SLC8A1: variants seen among roughly 807,000 people sequenced by gnomAD.
SLC8A1 encodes the protein solute carrier family 8 member A1.
A neutral mutation model predicts 68.3 loss-of-function variants in SLC8A1; 18 were observed. That is an observed-to-expected ratio of 0.26 (90% CI 0.18 to 0.39). SLC8A1 has a LOEUF of 0.39. SLC8A1 is among the 10% of genes least tolerant of loss of function. The pLI, the probability that SLC8A1 is intolerant of heterozygous loss-of-function variation, is 1.00. For missense variants in SLC8A1, 985 were observed against 1,156.7 expected (o/e 0.85, Z 2.15); for synonymous variants, 475 against 415.5 (o/e 1.14, Z -1.74).
intron 2 of SLC8A1, among the ~76,000 whole-genome samples, chr2:40,410,777 G>A (rs1691872179): frequency 6.6e-6 from 1 of 151,928 alleles, no homozygotes; most frequent in Non-Finnish European, 1.5e-5. Flanking sequence ...TACATTGCAT[G>A]TCATTTTCTT....
At chr2:40,364,518 T>TA (rs397700924) in intron 2 of SLC8A1, among the ~76,000 whole-genome samples, 1 of 145,062 alleles carries the variant, frequency 6.9e-6, no homozygotes, top group Non-Finnish European at 1.5e-5. Flanking sequence ...CCTTTTTTTT[T>TA]GTTGTTGTTC....
chr2:40,318,389 C>T (rs146849260), intron 2 of SLC8A1, among the ~76,000 whole-genome samples: 2,348 of 152,066 alleles, frequency 0.015, 24 homozygotes, highest in Non-Finnish European at 0.022. Context: ...TTGACTCACA[C>T]TTACTATGTA....
intron 2 of SLC8A1, among the ~76,000 whole-genome samples, chr2:40,371,329 T>C (rs1677974667): frequency 1.3e-5 from 2 of 151,994 alleles, no homozygotes; most frequent in Non-Finnish European, 2.9e-5. Context: ...GCTTCAGAAA[T>C]AGGGTGGACT....
At chr2:40,344,534 C>A (rs572273126) in intron 2 of SLC8A1, among the ~76,000 whole-genome samples, 9 of 152,242 alleles carry the variant, frequency 5.9e-5, no homozygotes, top group African/African-American at 2.2e-4. Flanking sequence ...GTAAGACACC[C>A]AGACTCACTG....
chr2:40,226,092 C>T (rs2058940936), intron 2 of SLC8A1, among the ~76,000 whole-genome samples: 1 of 152,144 alleles, frequency 6.6e-6, no homozygotes, highest in Non-Finnish European at 1.5e-5. Context: ...TTTTACATTA[C>T]ATGAGATGAC....
rs75141969 is a variant in SLC8A1, at chr2:40,158,425, C to A, written c.2161+2340G>T. Among the ~76,000 whole-genome samples the A allele has an allele frequency of 3.3e-5, 5 of 152,104 alleles. No individual in the cohort carries two copies. In the East Asian group the frequency reaches 7.7e-4, roughly 23 times the overall value. On this transcript the variant is annotated intron_variant, in intron 6 of 7. Coordinates refer to ENST00000406785, the Ensembl canonical transcript of SLC8A1. Reference sequence around the variant, plus strand: ...TGTTTCTCAAAATTGTAAATAAGGTCGATTTACCCAGCAGCCTGCGAATTT... The same window carrying A: ...TGTTTCTCAAAATTGTAAATAAGGTAGATTTACCCAGCAGCCTGCGAATTT...
At chr2:40,235,665 T>G (rs1455538307) in intron 2 of SLC8A1, among the ~76,000 whole-genome samples, 1 of 151,968 alleles carries the variant, frequency 6.6e-6, no homozygotes, top group Non-Finnish European at 1.5e-5. Flanking sequence ...TTGCTCTTGC[T>G]TTTCTAGTTC....
At chr2:40,098,399 T>G (rs1446334195) in exon 8 of SLC8A1, 1 of 152,068 alleles carries the variant, frequency 6.6e-6, no homozygotes, top group Non-Finnish European at 1.5e-5. Flanking sequence ...CTGCACAACT[T>G]AAATATTCTT....
intron 2 of SLC8A1, among the ~76,000 whole-genome samples, chr2:40,200,397 T>A (rs1428508778): frequency 6.8e-6 from 1 of 146,934 alleles, no homozygotes; most frequent in East Asian, 2.0e-4. Flanking sequence ...TCCTCTCAGG[T>A]CATGGTGACC....
intron 2 of SLC8A1, among the ~76,000 whole-genome samples, chr2:40,215,387 C>A (rs552778523): frequency 6.6e-6 from 1 of 152,090 alleles, no homozygotes; most frequent in East Asian, 1.9e-4. Flanking sequence ...CCTGTAATCC[C>A]AGCACTTTGG....
At chr2:40,295,104 TA>T (rs1321936840) in intron 2 of SLC8A1, among the ~76,000 whole-genome samples, 8 of 150,586 alleles carry the variant, frequency 5.3e-5, no homozygotes, top group African/African-American at 1.0e-4. Flanking sequence ...AAACAATTAT[TA>T]TTTTTTTTTT....
intron 2 of SLC8A1, among the ~76,000 whole-genome samples, chr2:40,232,750 C>CT (rs1377851117): frequency 1.2e-5 from 1 of 84,224 alleles, no homozygotes; most frequent in Non-Finnish European, 2.8e-5. Flanking sequence ...TCCCTCCCCC[C>CT]CCGCCACCCC....
At chr2:40,405,634 T>TG (rs1690104817) in intron 2 of SLC8A1, among the ~76,000 whole-genome samples, 1 of 152,184 alleles carries the variant, frequency 6.6e-6, no homozygotes, top group Non-Finnish European at 1.5e-5. Flanking sequence ...TTGGTTTGTG[T>TG]GTGTTTCTTT....
intron 1 of SLC8A1, among the ~76,000 whole-genome samples, chr2:40,491,056 G>A (rs921258005): frequency 6.6e-6 from 1 of 151,996 alleles, no homozygotes; most frequent in Non-Finnish European, 1.5e-5. Context: ...CTATAAAAAG[G>A]CCAATATTTG....
At chr2:40,475,798 GA>G (rs1197852488) in intron 1 of SLC8A1, among the ~76,000 whole-genome samples, 1 of 151,438 alleles carries the variant, frequency 6.6e-6, no homozygotes, top group Non-Finnish European at 1.5e-5. Flanking sequence ...GACTGGCTAG[GA>G]AAAAAAATGA....
intron 4 of SLC8A1, 128 bp from the exon 7 acceptor site, chr2:40,170,477 T>G: frequency 2.6e-6 from 2 of 765,744 alleles, no homozygotes; most frequent in Non-Finnish European, 4.5e-6. Flanking sequence ...AGTTTGGGGA[T>G]TCAATGATCA....
In SLC8A1 at chr2:40,108,862, T is replaced by A. The variant is rs576111035; in HGVS notation, c.*6391A>T. 2.0e-5 allele frequency: 3 copies of A among 152,250 alleles called. No individual in the cohort carries two copies. In the East Asian group the frequency reaches 5.8e-4, roughly 29 times the overall value. The allele number at this position is 152,250 out of a possible 1,614,324, so 9.4% of individuals were successfully genotyped here. A position where few individuals can be genotyped will look rare whatever the true frequency, so the allele number is the denominator to read the frequency against. On this transcript the variant is annotated 3_prime_UTR_variant, in exon 8 of 8. Transcript: ENST00000406785. ...AGGGCCAAAAGTTCTCCTTAGATAA[T>A]TCATCTCTTGTTTTACTATGTGGCT...
intron 1 of SLC8A1, among the ~76,000 whole-genome samples, chr2:40,441,898 A>G (rs1280413194): frequency 1.3e-5 from 2 of 152,118 alleles, no homozygotes; most frequent in East Asian, 1.9e-4. Context: ...AATTCCAACA[A>G]AAGCCAAAAT....
At chr2:40,252,972 C>CAT (rs1281835741) in intron 2 of SLC8A1, among the ~76,000 whole-genome samples, 55 of 73,550 alleles carry the variant, frequency 7.5e-4, no homozygotes, top group African/African-American at 1.0e-3. Flanking sequence ...TATGTATGTA[C>CAT]ATATATGTAT....
Sources: gnomAD v4.1 joint callset for allele counts (sites outside exome capture counted in the v4.1 genomes callset) on GRCh38, gnomAD v4.1.1 for gene constraint, MANE v1.5 for transcripts, NCBI Gene and HGNC (gene_info 2026-07-23, HGNC 2026-07-21) for gene names.